Variants in TAFA4 observed in about 807,000 individuals in gnomAD.
TAFA4 encodes chemokine-like protein TAFA-4.
Under a neutral mutation model 21.1 loss-of-function variants are expected in TAFA4, and 20 were observed. That is an observed-to-expected ratio of 0.95 (90% confidence interval 0.67 to 1.38). The LOEUF (loss-of-function observed/expected upper bound fraction) is 1.38, where lower values mean the gene tolerates loss of function less well. Ranked by LOEUF, TAFA4 falls within the 40% of genes most tolerant of loss-of-function variation. The pLI is 0.00. For missense variants in TAFA4, 211 were observed against 180.9 expected (o/e 1.17, Z -0.95); for synonymous variants, 71 against 67.4 (o/e 1.05, Z -0.26).
At chr3:68,823,627 G>T (rs1201671213) in intron 3 of TAFA4, among the ~76,000 whole-genome samples, 1 of 152,228 alleles carries the variant, frequency 6.6e-6, no homozygotes, top group Non-Finnish European at 1.5e-5. Flanking sequence ...AAAGGCCCCA[G>T]TGTATGTTGT....
intron 2 of TAFA4, 147 bp from the exon 3 acceptor site, chr3:68,880,992 C>T: frequency 1.6e-6 from 1 of 628,958 alleles, no homozygotes. Flanking sequence ...ACCAATCAAA[C>T]CTTATTTGCA....
intron 3 of TAFA4, among the ~76,000 whole-genome samples, chr3:68,826,981 A>G (rs1704253975): frequency 6.6e-6 from 1 of 152,002 alleles, no homozygotes; most frequent in African/African-American, 2.4e-5. Flanking sequence ...GGTTTGCTGC[A>G]CCCACCAACT....
chr3:68,928,284 T>C (rs1165026287), intron 1 of TAFA4, among the ~76,000 whole-genome samples: 1 of 152,200 alleles, frequency 6.6e-6, no homozygotes, highest in Non-Finnish European at 1.5e-5. Flanking sequence ...AGCTGGCACA[T>C]ACTGAGTGTT....
chr3:68,768,218 G>A (rs560162209), intron 3 of TAFA4, among the ~76,000 whole-genome samples: 1 of 152,064 alleles, frequency 6.6e-6, no homozygotes, highest in Non-Finnish European at 1.5e-5. Context: ...CATCTGATAA[G>A]GGGTAAGATC....
At chr3:68,741,557 G>A (rs765172395) in intron 4 of TAFA4, among the ~76,000 whole-genome samples, 5 of 152,072 alleles carry the variant, frequency 3.3e-5, no homozygotes. Context: ...CACTTTGGGA[G>A]GTCCAGGCAG....
intron 3 of TAFA4, among the ~76,000 whole-genome samples, chr3:68,815,102 G>T (rs1703939470): frequency 1.3e-5 from 2 of 152,100 alleles, no homozygotes; most frequent in African/African-American, 4.8e-5. Flanking sequence ...GGGAAACCTG[G>T]CTAGCCATAT....
At chr3:68,765,164 T>G (rs1702827464) in intron 3 of TAFA4, among the ~76,000 whole-genome samples, 1 of 152,212 alleles carries the variant, frequency 6.6e-6, no homozygotes. Flanking sequence ...TTTCAATATG[T>G]GCATTTGTGA....
chr3:68,896,102 A>G (rs886569231), intron 1 of TAFA4, among the ~76,000 whole-genome samples: 18 of 152,158 alleles, frequency 1.2e-4, no homozygotes, highest in Admixed American at 5.9e-4. Flanking sequence ...TAGGGAGGCC[A>G]GAGGGGAGTA....
At chr3:68,914,142 A>G (rs574096023) in intron 1 of TAFA4, among the ~76,000 whole-genome samples, 1 of 152,358 alleles carries the variant, frequency 6.6e-6, no homozygotes, top group Admixed American at 6.5e-5. Context: ...GATGTTCAAC[A>G]CTAGAATAAA....
chr3:68,912,881 A>T (rs919982152), intron 1 of TAFA4, among the ~76,000 whole-genome samples: 12 of 152,238 alleles, frequency 7.9e-5, no homozygotes, highest in African/African-American at 2.9e-4. Context: ...AATAAAAAGT[A>T]AGATATAGAT....
rs542599582 is a variant in TAFA4, at chr3:68,746,950, C to T, written c.286+5913G>A. Among the ~76,000 whole-genome samples, 38 of 152,208 alleles carry T rather than the reference C, an allele frequency of 2.5e-4. No individual in the cohort carries two copies. The South Asian group carries it at 6.0e-3, about 24-fold the overall frequency. On this transcript the variant is annotated intron_variant, in intron 4 of 5. Coordinates refer to ENST00000295569, the MANE Select transcript of TAFA4 (RefSeq NM_182522.5). The stretch of plus-strand genomic sequence containing the variant: ...ATTGTAAGATGTAAGGCAGCACTTC[C>T]GGCCTCTACATGCTACACACCAGTA...
At chr3:68,855,563 G>A (rs1705051110) in intron 3 of TAFA4, among the ~76,000 whole-genome samples, 1 of 152,088 alleles carries the variant, frequency 6.6e-6, no homozygotes, top group Non-Finnish European at 1.5e-5. Context: ...TGATAAACAT[G>A]TACTGACGTA....
intron 3 of TAFA4, among the ~76,000 whole-genome samples, chr3:68,842,477 C>A (rs1253895078): frequency 6.6e-6 from 1 of 152,038 alleles, no homozygotes; most frequent in Non-Finnish European, 1.5e-5. Flanking sequence ...CAAAAATTTT[C>A]TCCCATTCTG....
intron 3 of TAFA4, among the ~76,000 whole-genome samples, chr3:68,809,519 A>ATTT (rs200107940): frequency 1.7e-4 from 21 of 127,118 alleles, no homozygotes; most frequent in Admixed American, 5.5e-4. Flanking sequence ...CACTATGTTG[A>ATTT]TTTTTTTTTT....
intron 1 of TAFA4, among the ~76,000 whole-genome samples, chr3:68,901,929 C>T (rs1215996154): frequency 2.6e-5 from 4 of 152,220 alleles, no homozygotes; most frequent in Admixed American, 2.6e-4. Flanking sequence ...TTGGAAATAA[C>T]TACCAGGGTC....
chr3:68,903,011 A>AT (rs1553652951), intron 1 of TAFA4, among the ~76,000 whole-genome samples: 5 of 114,028 alleles, frequency 4.4e-5, no homozygotes, highest in East Asian at 5.8e-4. Context: ...AACTGAAAAA[A>AT]TTAAAAAAAA....
At chr3:68,921,531 G>T (rs1016320506) in intron 1 of TAFA4, among the ~76,000 whole-genome samples, 5 of 152,172 alleles carry the variant, frequency 3.3e-5, no homozygotes, top group Non-Finnish European at 7.4e-5. Context: ...AGTGGCAGGA[G>T]AAAGCAATAA....
intron 3 of TAFA4, among the ~76,000 whole-genome samples, chr3:68,848,243 G>A (rs1175519230): frequency 6.6e-6 from 1 of 152,156 alleles, no homozygotes; most frequent in Non-Finnish European, 1.5e-5. Flanking sequence ...CCATACTTAA[G>A]TAGAACACAC....
chr3:68,804,782 C>T (rs1479471073), intron 3 of TAFA4, among the ~76,000 whole-genome samples: 1 of 152,138 alleles, frequency 6.6e-6, no homozygotes, highest in African/African-American at 2.4e-5. Flanking sequence ...CCCTTCCTTA[C>T]ACCTTATACA....
Sources: gnomAD v4.1 joint callset for allele counts (sites outside exome capture counted in the v4.1 genomes callset) on GRCh38, gnomAD v4.1.1 for gene constraint, MANE v1.5 for transcripts, NCBI Gene and HGNC (gene_info 2026-07-23, HGNC 2026-07-21) for gene names.